Variants in MAP4K1 observed in about 807,000 individuals in gnomAD.
The protein encoded by MAP4K1 is mitogen-activated protein kinase kinase kinase kinase 1.
A neutral mutation model predicts 122.8 loss-of-function variants in MAP4K1; 35 were observed. The observed-to-expected ratio is 0.29, with a 90% CI of 0.22 to 0.38. The LOEUF (loss-of-function observed/expected upper bound fraction) is 0.38, where lower values mean the gene tolerates loss of function less well. Among genes scored for constraint, MAP4K1 ranks in the 10% least tolerant of loss-of-function variants. MAP4K1 has a pLI of 1.00. For synonymous variants in MAP4K1, 412 were observed against 421.3 expected, an observed-to-expected ratio of 0.98 and a Z score of 0.27; for missense variants, 791 against 1,072.6, an observed-to-expected ratio of 0.74 and a Z score of 3.67.
At chr19:38,607,552 T>G (rs1276774529) in intron 16 of MAP4K1, among the ~76,000 whole-genome samples, 2 of 102,348 alleles carry the variant, frequency 2.0e-5, no homozygotes, top group African/African-American at 7.8e-5. Context: ...AGAGTGAGAC[T>G]CCATCTCAAA....
chr19:38,602,565 CAT>C (rs1465569955), intron 19 of MAP4K1, among the ~76,000 whole-genome samples: 1 of 145,334 alleles, frequency 6.9e-6, no homozygotes, highest in Non-Finnish European at 1.5e-5. Flanking sequence ...CACACATATA[CAT>C]ATATACATAT....
chr19:38,596,105 C>G, intron 26 of MAP4K1, 104 bp from the exon 27 acceptor site: 1 of 1,384,258 alleles, frequency 7.2e-7, no homozygotes, highest in African/African-American at 1.4e-5. Context: ...CCTCAGTTCA[C>G]AAGCAAGTGG....
At chr19:38,602,797 CATACATATAT>C (rs1568630860) in intron 19 of MAP4K1, among the ~76,000 whole-genome samples, 2 of 130,920 alleles carry the variant, frequency 1.5e-5, no homozygotes, top group East Asian at 4.4e-4. Flanking sequence ...TATATACACA[CATACATATAT>C]ACATATATAC....
chr19:38,612,345 A>C (rs1278178439), intron 9 of MAP4K1, among the ~76,000 whole-genome samples: 3 of 149,214 alleles, frequency 2.0e-5, no homozygotes, highest in African/African-American at 7.4e-5. Context: ...GCTTGAACCC[A>C]GGAGATGGAG....
intron 16 of MAP4K1, among the ~76,000 whole-genome samples, chr19:38,607,610 G>T (rs901719958): frequency 6.6e-6 from 1 of 151,758 alleles, no homozygotes; most frequent in Middle Eastern, 3.4e-3. Flanking sequence ...AAGGAAAGTG[G>T]GAGCTGGAGC....
Position 38,605,540 on chromosome 19 carries a change from C to T in MAP4K1, c.1363+28G>A, listed in dbSNP as rs754293001. The T allele has an allele frequency of 3.7e-5, 56 of 1,532,242 alleles. 1 individual carries two copies. In the South Asian group the frequency reaches 4.3e-4, roughly 12 times the overall value. The allele number at this position is 1,532,242 out of a possible 1,614,324, so 94.9% of individuals were successfully genotyped here. ...AGCCCCCAAGAACCCCCAACCCTCC[C>T]GCCCTCCACCCTAGCCTGTCCCATT... On this transcript the variant is annotated intron_variant, in intron 18 of 30. Transcript: ENST00000396857.
At chr19:38,590,714 A>G (rs972426409) in intron 30 of MAP4K1, among the ~76,000 whole-genome samples, 1 of 151,748 alleles carries the variant, frequency 6.6e-6, no homozygotes, top group Non-Finnish European at 1.5e-5. Context: ...ACCTCAGGTA[A>G]TCTGCCCACT....
At chr19:38,588,418 T>C (rs556144691) in intron 30 of MAP4K1, among the ~76,000 whole-genome samples, 8 of 152,090 alleles carry the variant, frequency 5.3e-5, no homozygotes, top group Non-Finnish European at 8.8e-5. Flanking sequence ...AGGCCGGGCA[T>C]GGTGGCTCAT....
chr19:38,593,405 C>G (rs1418302194), intron 29 of MAP4K1, 68 bp from the exon 30 acceptor site: 1 of 1,432,078 alleles, frequency 7.0e-7, no homozygotes, highest in African/African-American at 1.4e-5. Context: ...ACATGGCTCC[C>G]TTAAAGACAG....
At chr19:38,599,457 T>G (rs112116243) in intron 22 of MAP4K1, among the ~76,000 whole-genome samples, 12,166 of 148,656 alleles carry the variant, frequency 0.082, 562 homozygotes, top group South Asian at 0.16. Context: ...AGGTCAGGAG[T>G]TTGAGACCAG....
intron 30 of MAP4K1, among the ~76,000 whole-genome samples, chr19:38,591,191 A>C (rs1254622510): frequency 6.6e-6 from 1 of 150,788 alleles, no homozygotes; most frequent in East Asian, 1.9e-4. Flanking sequence ...ACTCTGTCTC[A>C]AGAAAAGAAA....
At chr19:38,602,965 C>T (rs1304503143) in intron 19 of MAP4K1, among the ~76,000 whole-genome samples, 1 of 130,364 alleles carries the variant, frequency 7.7e-6, no homozygotes, top group Non-Finnish European at 1.6e-5. Context: ...CACATATACA[C>T]ATGCACATAT....
chr19:38,589,462 C>T (rs1974638574), intron 30 of MAP4K1, among the ~76,000 whole-genome samples: 2 of 150,806 alleles, frequency 1.3e-5, no homozygotes, highest in Admixed American at 1.3e-4. Flanking sequence ...GTTGCCCAGG[C>T]TGGAGTGCAA....
Position 38,614,015 on chromosome 19 carries a change from C to A in MAP4K1, c.460+28G>T, listed in dbSNP as rs1455791009. On this transcript the variant is annotated intron_variant, in intron 7 of 30. Coordinates refer to ENST00000396857, the MANE Select transcript of MAP4K1 (RefSeq NM_001042600.3). ...TGCGCTTCCGGCCCCCCAGTCAGCC[C>A]CCCTGCTCAACCCCCAGCCTTACTC... The A allele has an allele frequency of 1.9e-6, 3 of 1,609,334 alleles. No homozygotes were observed. In the South Asian group the frequency reaches 3.3e-5, roughly 18 times the overall value.
chr19:38,608,862 C>T (rs1975414601), intron 13 of MAP4K1, among the ~76,000 whole-genome samples: 1 of 144,388 alleles, frequency 6.9e-6, no homozygotes, highest in Non-Finnish European at 1.5e-5. Context: ...AGCCTGTAGT[C>T]CCAGCTACTC....
chr19:38,588,115 C>G (rs1195322458), intron 30 of MAP4K1, among the ~76,000 whole-genome samples: 1 of 152,084 alleles, frequency 6.6e-6, no homozygotes, highest in Non-Finnish European at 1.5e-5. Context: ...TAGGAGGGAA[C>G]TTGGTGAAAG....
intron 30 of MAP4K1, among the ~76,000 whole-genome samples, chr19:38,592,917 C>CAATAAATAAATA (rs144296421): frequency 0.01 from 1,532 of 151,236 alleles, 24 homozygotes; most frequent in African/African-American, 0.036. Flanking sequence ...AACTCCATCT[C>CAATAAATAAATA]AATAAATAAA....
Position 38,609,631 on chromosome 19 carries a change from G to A in MAP4K1, c.971C>T (p.Ser324Phe). 2 of 1,613,856 alleles carry A rather than the reference G, an allele frequency of 1.2e-6. No individual in the cohort carries two copies. Among genetic ancestry groups the A allele is most frequent in the Middle Eastern group, 1.7e-4 (1 of 6,060 alleles). Reference protein sequence around the residue: ...IPRRIRSTHRSSSLGIPDADC... With the variant: ...IPRRIRSTHRFSSLGIPDADC... ...TGCATCTGGGATCCCCAGAGAGCTG[G>A]AGCGGTGGGTGGATCTGATCCGCCG... The change falls in exon 13 of 31, where the codon TCC becomes TTC. Residue 324 changes from serine (S) to phenylalanine (F), a missense_variant. Ser to Phe is a radical substitution (Grantham distance 155). This residue lies in a region of MAP4K1 where 303 missense variants were observed against 344.8 expected (regional missense o/e 0.88). Coordinates refer to ENST00000396857, the MANE Select transcript of MAP4K1 (RefSeq NM_001042600.3).
chr19:38,596,224 G>A, intron 26 of MAP4K1, 88 bp downstream of exon 26: 1 of 1,460,012 alleles, frequency 6.8e-7, no homozygotes, highest in Non-Finnish European at 9.1e-7. Flanking sequence ...CAGTCCCGTA[G>A]TGCCTCAGGC....
Sources: gnomAD v4.1 joint callset for allele counts (sites outside exome capture counted in the v4.1 genomes callset) on GRCh38, gnomAD v4.1.1 for gene constraint, gnomAD v4.1.1 regional missense constraint, MANE v1.5 for transcripts, NCBI Gene and HGNC (gene_info 2026-07-23, HGNC 2026-07-21) for gene names.